KHDRBS2: variants seen among roughly 807,000 people sequenced by gnomAD.
The protein encoded by KHDRBS2 is KH RNA binding domain containing, signal transduction associated 2, also known as KH domain-containing, RNA-binding, signal transduction-associated protein 2.
Under a neutral mutation model 44.3 loss-of-function variants are expected in KHDRBS2, and 26 were observed. The ratio of observed to expected loss-of-function variants is 0.59; its 90% CI spans 0.43 to 0.81. The LOEUF (loss-of-function observed/expected upper bound fraction) is 0.81, where lower values mean the gene tolerates loss of function less well. Ranked by LOEUF, KHDRBS2 falls within the 40% of genes least tolerant of loss-of-function variation. KHDRBS2 has a pLI of 0.00. For missense variants in KHDRBS2, 476 were observed against 433.1 expected, an observed-to-expected ratio of 1.10 and a Z score of -0.88; for synonymous variants, 194 against 151.1, an observed-to-expected ratio of 1.28 and a Z score of -2.08.
chr6:62,032,063 A>G (rs914506591), intron 3 of KHDRBS2, among the ~76,000 whole-genome samples: 43 of 152,222 alleles, frequency 2.8e-4, no homozygotes, highest in African/African-American at 9.6e-4. Flanking sequence ...GTTTGGGAGA[A>G]AGTAAAGGAA....
intron 8 of KHDRBS2, 125 bp from the exon 9 acceptor site, chr6:61,681,185 A>AT (rs951786104): frequency 1.5e-6 from 1 of 648,798 alleles, no homozygotes; most frequent in Non-Finnish European, 2.7e-6. Context: ...GCTAAAGCCT[A>AT]TTTTTTCCAC....
intron 6 of KHDRBS2, among the ~76,000 whole-genome samples, chr6:61,810,530 A>G (rs1252992448): frequency 6.6e-6 from 1 of 152,182 alleles, no homozygotes; most frequent in East Asian, 1.9e-4. Context: ...CTTTGTTATT[A>G]TAATGAAGCC....
At chr6:61,811,684 C>G (rs1319425872) in intron 6 of KHDRBS2, among the ~76,000 whole-genome samples, 4 of 152,058 alleles carry the variant, frequency 2.6e-5, no homozygotes, top group Admixed American at 1.3e-4. Context: ...ATCTCAGCTT[C>G]AATATCATTT....
At chr6:62,198,855 C>G (rs1043375398) in intron 1 of KHDRBS2, among the ~76,000 whole-genome samples, 4 of 152,002 alleles carry the variant, frequency 2.6e-5, no homozygotes, top group Non-Finnish European at 5.9e-5. Flanking sequence ...ACTGGCAAAC[C>G]GAATCCAGCA....
At chr6:61,727,906 A>C (rs974103375) in intron 7 of KHDRBS2, among the ~76,000 whole-genome samples, 7 of 152,194 alleles carry the variant, frequency 4.6e-5, no homozygotes, top group African/African-American at 1.7e-4. Context: ...CCTTTGACCC[A>C]GCAATCCCAT....
the KHDRBS2 span, among the ~76,000 whole-genome samples, chr6:61,546,598 C>T: frequency 6.6e-6 from 1 of 152,056 alleles, no homozygotes; most frequent in Non-Finnish European, 1.5e-5. Flanking sequence ...TAAATTTGAG[C>T]TATACACACA....
At chr6:61,690,473 G>T (rs1767274370) in intron 8 of KHDRBS2, among the ~76,000 whole-genome samples, 1 of 151,792 alleles carries the variant, frequency 6.6e-6, no homozygotes, top group Non-Finnish European at 1.5e-5. Flanking sequence ...CTTTCCTATG[G>T]CTTGTTTTAT....
the KHDRBS2 span, among the ~76,000 whole-genome samples, chr6:61,599,412 G>A: frequency 1.3e-5 from 2 of 152,078 alleles, no homozygotes; most frequent in Non-Finnish European, 2.9e-5. Flanking sequence ...TTAAGATTTT[G>A]AATACCATGG....
chr6:62,062,138 G>C (rs1243753131), intron 2 of KHDRBS2, among the ~76,000 whole-genome samples: 2 of 148,430 alleles, frequency 1.3e-5, no homozygotes, highest in East Asian at 4.0e-4. Context: ...CAAGTCCTGA[G>C]TGACCTACAA....
chr6:61,876,458 T>C (rs1251191078), intron 6 of KHDRBS2, among the ~76,000 whole-genome samples: 1 of 151,620 alleles, frequency 6.6e-6, no homozygotes, highest in East Asian at 1.9e-4. Context: ...TCATCAGAAG[T>C]AGGTAGCTTT....
the KHDRBS2 span, among the ~76,000 whole-genome samples, chr6:61,572,546 A>G: frequency 6.6e-6 from 1 of 152,290 alleles, no homozygotes; most frequent in Non-Finnish European, 1.5e-5. Context: ...AATATCCCTG[A>G]TGAATACAGA....
chr6:61,856,053 C>T lies in KHDRBS2; in HGVS notation c.810+38582G>A, dbSNP rs1396764485. Among the ~76,000 whole-genome samples, 5 of 152,114 alleles carry T rather than the reference C, an allele frequency of 3.3e-5. No homozygotes were observed. In the East Asian group the frequency reaches 5.8e-4, roughly 18 times the overall value. On this transcript the variant is annotated intron_variant, in intron 6 of 8. Transcript: ENST00000281156. ...TTTGAGTCACATCTGTGATTTTCATCCAACTCTTCCTAGTCTCACTGTCTT... is the reference window on the plus strand; with the variant it reads ...TTTGAGTCACATCTGTGATTTTCATTCAACTCTTCCTAGTCTCACTGTCTT...
intron 6 of KHDRBS2, among the ~76,000 whole-genome samples, chr6:61,847,912 T>C (rs1794647403): frequency 6.6e-6 from 1 of 152,112 alleles, no homozygotes; most frequent in Admixed American, 6.5e-5. Context: ...AAAATGATTT[T>C]TTCTGCTTAA....
chr6:62,060,562 G>A (rs566344310), intron 2 of KHDRBS2, among the ~76,000 whole-genome samples: 2 of 150,220 alleles, frequency 1.3e-5, no homozygotes, highest in Non-Finnish European at 3.0e-5. Flanking sequence ...CTCATAATTT[G>A]TATAACATTA....
intron 2 of KHDRBS2, among the ~76,000 whole-genome samples, chr6:62,136,147 G>T (rs1038095375): frequency 6.6e-6 from 1 of 151,732 alleles, no homozygotes; most frequent in Non-Finnish European, 1.5e-5. Context: ...CCACTTCATT[G>T]TGCATATGTA....
At chr6:62,177,161 A>G (rs1413504436) in intron 2 of KHDRBS2, 24 bp downstream of exon 2, 3 of 1,335,136 alleles carry the variant, frequency 2.2e-6, no homozygotes, top group African/African-American at 1.5e-5. Context: ...CAATTATATG[A>G]GAACAAAGTA....
intron 1 of KHDRBS2, among the ~76,000 whole-genome samples, chr6:62,199,453 G>A (rs1326930731): frequency 6.6e-6 from 1 of 151,720 alleles, no homozygotes; most frequent in African/African-American, 2.4e-5. Context: ...AACAGACAGA[G>A]AGCCAAATTA....
chr6:61,596,458 T>C, the KHDRBS2 span, among the ~76,000 whole-genome samples: 1 of 152,170 alleles, frequency 6.6e-6, no homozygotes, highest in Non-Finnish European at 1.5e-5. Flanking sequence ...TTAATACACA[T>C]AGACATGTAG....
chr6:61,830,877 T>A (rs1404029802), intron 6 of KHDRBS2, among the ~76,000 whole-genome samples: 1 of 152,188 alleles, frequency 6.6e-6, no homozygotes, highest in African/African-American at 2.4e-5. Context: ...ATCTGTAACA[T>A]TTTATTCTGC....
Sources: gnomAD v4.1 joint callset for allele counts (sites outside exome capture counted in the v4.1 genomes callset) on GRCh38, gnomAD v4.1.1 for gene constraint, MANE v1.5 for transcripts, NCBI Gene and HGNC (gene_info 2026-07-23, HGNC 2026-07-21) for gene names.